The following KAZN variants were observed in gnomAD, a reference collection of about 807,000 sequenced individuals.
KAZN encodes the protein kazrin, periplakin interacting protein, also known as kazrin.
A neutral mutation model predicts 87.4 loss-of-function variants in KAZN; 40 were observed. The ratio of observed to expected loss-of-function variants is 0.46; its 90% CI spans 0.36 to 0.60. The LOEUF (loss-of-function observed/expected upper bound fraction) is 0.60, where lower values mean the gene tolerates loss of function less well. Among genes scored for constraint, KAZN ranks in the 20% least tolerant of loss-of-function variants. The pLI, the probability that KAZN is intolerant of heterozygous loss-of-function variation, is 0.00. For synonymous variants in KAZN, 466 were observed against 458.3 expected (o/e 1.02, Z -0.22); for missense variants, 898 against 1,073.9 (o/e 0.84, Z 2.29).
At chr1:14,516,863 C>T (rs971030761) in intron 2 of KAZN, among the ~76,000 whole-genome samples, 14 of 152,270 alleles carry the variant, frequency 9.2e-5, no homozygotes, top group South Asian at 4.2e-4. Context: ...TAGACTTTCT[C>T]GGTAAGAAAA....
At position 14,514,337 on chromosome 1, in the gene KAZN, T is replaced by A. The variant is rs1260358184; in HGVS notation, c.250-84646T>A. Among the ~76,000 whole-genome samples the A allele has an allele frequency of 1.2e-3, 44 of 37,334 alleles. 3 individuals carry two copies. The highest frequency in any genetic ancestry group is 3.7e-3 in the African/African-American group (36 of 9,674). The allele number at this position is 37,334 out of a possible 152,430, so 24.5% of individuals were successfully genotyped here. A position where few individuals can be genotyped will look rare whatever the true frequency, so the allele number is the denominator to read the frequency against. On this transcript the variant is annotated intron_variant, in intron 2 of 16. Transcript: ENST00000636203. Reference sequence around the variant, plus strand: ...AAGACTCTGTCTCAAAAAATTTATATATATATTTATATATATTATATATAT... The same window carrying A: ...AAGACTCTGTCTCAAAAAATTTATAAATATATTTATATATATTATATATAT...
At chr1:14,384,623 G>A (rs1661696806) in intron 2 of KAZN, among the ~76,000 whole-genome samples, 1 of 152,136 alleles carries the variant, frequency 6.6e-6, no homozygotes, top group South Asian at 2.1e-4. Context: ...TACATTTATT[G>A]ATTTAGGTAT....
intron 1 of KAZN, among the ~76,000 whole-genome samples, chr1:14,908,071 G>A (rs973959684): frequency 2.0e-5 from 3 of 152,208 alleles, no homozygotes; most frequent in East Asian, 3.8e-4. Flanking sequence ...GCCAAGAGGC[G>A]GTTCTAGAGA....
chr1:14,929,723 G>A (rs556650254), intron 1 of KAZN: 9 of 954,894 alleles, frequency 9.4e-6, no homozygotes, highest in East Asian at 1.2e-4. Context: ...AGGGGTGTGC[G>A]GGCGTGGAGT....
intron 2 of KAZN, among the ~76,000 whole-genome samples, chr1:14,181,932 T>C (rs1253199175): frequency 6.6e-6 from 1 of 152,178 alleles, no homozygotes; most frequent in African/African-American, 2.4e-5. Flanking sequence ...TTGCAAAACC[T>C]AAGGTACTGA....
chr1:14,511,546 G>T (rs977504346), intron 2 of KAZN, among the ~76,000 whole-genome samples: 4 of 152,172 alleles, frequency 2.6e-5, no homozygotes. Flanking sequence ...CACAAAAGCA[G>T]AAGAAATAAT....
chr1:13,938,581 C>T (rs1171091945), intron 1 of KAZN, among the ~76,000 whole-genome samples: 1 of 152,140 alleles, frequency 6.6e-6, no homozygotes, highest in East Asian at 1.9e-4. Flanking sequence ...GGTGTCCAGG[C>T]AGAAGTCTGC....
intron 1 of KAZN, among the ~76,000 whole-genome samples, chr1:13,926,676 G>A (rs1458124524): frequency 6.6e-6 from 1 of 151,748 alleles, no homozygotes; most frequent in Admixed American, 6.6e-5. Context: ...AAATCTCCTG[G>A]GAACTTCAGT....
At chr1:14,879,776 C>T (rs1653148740) in intron 1 of KAZN, among the ~76,000 whole-genome samples, 1 of 152,200 alleles carries the variant, frequency 6.6e-6, no homozygotes, top group Non-Finnish European at 1.5e-5. Flanking sequence ...ACAGCATGGA[C>T]ATGCCTAAGA....
chr1:14,586,356 C>G lies in KAZN; in HGVS notation c.250-12627C>G, dbSNP rs192817156. Among the ~76,000 whole-genome samples, 37 of 152,212 alleles carry G rather than the reference C, an allele frequency of 2.4e-4. No individual in the cohort carries two copies. In the South Asian group the frequency reaches 6.2e-3, roughly 26 times the overall value. The stretch of plus-strand genomic sequence containing the variant: ...GGTTCAACAAATGTTTACTGAACAC[C>G]CACCATGGTCCTGGGCTCACTTAAA... On this transcript the variant is annotated intron_variant, in intron 2 of 16. Transcript: ENST00000636203.
Position 14,923,997 on chromosome 1 carries a change from G to A in KAZN, c.227-36687G>A, listed in dbSNP as rs1658839184. ...GTGGCGGGGGCCGGGCGCACAACGG[G>A]GCGACGCGGCGGCGCTCCCCGGGCA... On this transcript the variant is annotated intron_variant, in intron 1 of 14. Transcript: ENST00000376030. This position sits in a 1 kb window ranked among gnomAD's most constrained non-coding sequence, Gnocchi z 4.2. 6.3e-6 allele frequency: 3 copies of A among 474,372 alleles called. No individual in the cohort carries two copies. The highest frequency in any genetic ancestry group is 1.3e-4 in the Admixed American group (2 of 15,480). The allele number at this position is 474,372 out of a possible 1,614,324, so 29.4% of individuals were successfully genotyped here.
chr1:14,389,869 G>A (rs6687092), intron 2 of KAZN, among the ~76,000 whole-genome samples: 16,157 of 152,218 alleles, frequency 0.11, 1,124 homozygotes, highest in Non-Finnish European at 0.16. Context: ...AAATTGAATT[G>A]TTTGTAACAC....
At chr1:14,303,137 A>T (rs6686884) in intron 2 of KAZN, among the ~76,000 whole-genome samples, 2,458 of 152,332 alleles carry the variant, frequency 0.016, 71 homozygotes, top group African/African-American at 0.056. Flanking sequence ...AGAAGCCAAG[A>T]GGAAGTAGAC....
At chr1:14,294,322 G>C (rs74590598) in intron 2 of KAZN, among the ~76,000 whole-genome samples, 6,378 of 152,136 alleles carry the variant, frequency 0.042, 161 homozygotes, top group Middle Eastern at 0.072. Flanking sequence ...CCACACAAAG[G>C]TCCTTGGGTT....
chr1:14,885,842 T>A (rs763347555), intron 1 of KAZN, among the ~76,000 whole-genome samples: 4 of 152,188 alleles, frequency 2.6e-5, no homozygotes, highest in Non-Finnish European at 5.9e-5. Flanking sequence ...TTTGTAACAC[T>A]CGTCACTACC....
intron 2 of KAZN, among the ~76,000 whole-genome samples, chr1:14,591,990 G>A (rs907753708): frequency 6.6e-6 from 1 of 152,140 alleles, no homozygotes; most frequent in Non-Finnish European, 1.5e-5. Context: ...AAGGATAGCT[G>A]TTGGGGTTCC....
At chr1:14,190,877 A>T (rs530542990) in intron 2 of KAZN, among the ~76,000 whole-genome samples, 1 of 152,334 alleles carries the variant, frequency 6.6e-6, no homozygotes, top group South Asian at 2.1e-4. Flanking sequence ...GAAATAATAA[A>T]GTTCCAAGGT....
chr1:14,070,550 C>A (rs1643208145), intron 1 of KAZN, among the ~76,000 whole-genome samples: 2 of 151,066 alleles, frequency 1.3e-5, no homozygotes, highest in African/African-American at 4.9e-5. Flanking sequence ...CTTTCCCATC[C>A]CACTGTAAAA....
At chr1:13,936,813 G>A (rs907598237) in intron 1 of KAZN, among the ~76,000 whole-genome samples, 1 of 152,170 alleles carries the variant, frequency 6.6e-6, no homozygotes, top group Non-Finnish European at 1.5e-5. Flanking sequence ...TGTGATGAAC[G>A]TACTAGTGCA....
Sources: gnomAD v4.1 joint callset for allele counts (sites outside exome capture counted in the v4.1 genomes callset) on GRCh38, gnomAD v4.1.1 for gene constraint, Gnocchi (gnomAD v3.1) non-coding constraint, MANE v1.5 for transcripts, NCBI Gene and HGNC (gene_info 2026-07-23, HGNC 2026-07-21) for gene names.